The following UNC79 variants were observed in gnomAD, a reference collection of about 807,000 sequenced individuals.
UNC79 encodes unc-79 subunit of NALCN channel complex.
Under a neutral mutation model 283.1 loss-of-function variants are expected in UNC79, and 37 were observed. The observed-to-expected ratio is 0.13, with a 90% confidence interval of 0.10 to 0.17. UNC79 has a LOEUF of 0.17. UNC79 is among the 10% of genes least tolerant of loss of function. The probability of loss-of-function intolerance (pLI) is 1.00; values close to 1 mark genes in which losing one functional copy is unlikely to be tolerated. For missense variants in UNC79, 2,272 were observed against 3,211.1 expected (o/e 0.71, Z 7.07); for synonymous variants, 1,107 against 1,200.2 (o/e 0.92, Z 1.61).
chr14:93,335,759 G>A (rs936473429), intron 1 of UNC79, among the ~76,000 whole-genome samples: 3 of 152,214 alleles, frequency 2.0e-5, no homozygotes, highest in Non-Finnish European at 4.4e-5. Flanking sequence ...GTGAGAGAAA[G>A]GAAAACCATG....
intron 40 of UNC79, among the ~76,000 whole-genome samples, chr14:93,671,880 T>A (rs1566900046): frequency 6.6e-6 from 1 of 151,956 alleles, no homozygotes; most frequent in Non-Finnish European, 1.5e-5. Flanking sequence ...AGGACCTAAA[T>A]AGACATTTCT....
intron 1 of UNC79, among the ~76,000 whole-genome samples, chr14:93,375,049 A>G (rs981939897): frequency 9.9e-5 from 15 of 152,098 alleles, no homozygotes; most frequent in African/African-American, 3.4e-4. Context: ...TTCCCTCCAA[A>G]ACTCATGTTG....
chr14:93,585,602 G>C (rs2064164114), intron 20 of UNC79, among the ~76,000 whole-genome samples: 1 of 152,156 alleles, frequency 6.6e-6, no homozygotes, highest in African/African-American at 2.4e-5. Context: ...TCTGATCCTA[G>C]GGATTGCCAA....
intron 1 of UNC79, among the ~76,000 whole-genome samples, chr14:93,462,065 G>C (rs1464257752): frequency 2.0e-5 from 3 of 152,200 alleles, no homozygotes; most frequent in Admixed American, 6.5e-5. Flanking sequence ...CCAGCACTTT[G>C]GGAGGCCGAG....
At chr14:93,426,704 T>C (rs2055738085), upstream of UNC79, among the ~76,000 whole-genome samples, 1 of 152,102 alleles carries the variant, frequency 6.6e-6, no homozygotes, top group Non-Finnish European at 1.5e-5. Flanking sequence ...TTCTAAAATT[T>C]CCAATGGTTT....
chr14:93,636,080 A>G (rs1056619548), intron 31 of UNC79, among the ~76,000 whole-genome samples: 8 of 152,238 alleles, frequency 5.3e-5, no homozygotes, highest in Admixed American at 2.6e-4. Flanking sequence ...GATTCCGACT[A>G]CAATGACAAC....
chr14:93,471,853 C>G (rs761031371), intron 2 of UNC79, among the ~76,000 whole-genome samples: 4 of 151,860 alleles, frequency 2.6e-5, no homozygotes, highest in Admixed American at 6.6e-5. Flanking sequence ...GCTGTTGTTG[C>G]TATCGTTTGG....
chr14:93,494,481 T>C (rs1006493376), intron 5 of UNC79, among the ~76,000 whole-genome samples: 1 of 152,172 alleles, frequency 6.6e-6, no homozygotes, highest in Non-Finnish European at 1.5e-5. Flanking sequence ...GTGTTCACAG[T>C]ATCTTTGAGA....
chr14:93,510,929 T>C lies in UNC79; in HGVS notation c.899-13049T>C, dbSNP rs576897060. Among the ~76,000 whole-genome samples the C allele has an allele frequency of 4.6e-5, 7 of 152,346 alleles. No homozygotes were observed. In the East Asian group the frequency reaches 1.3e-3, roughly 29 times the overall value. On this transcript the variant is annotated intron_variant, in intron 7 of 48. Transcript: ENST00000555664. ...TTCCTGTATTAGTTTGTTCACACAC[T>C]GCTATAAAGAAATACCTGCAACTGG...
chr14:93,689,265 C>G (rs2074489880), intron 44 of UNC79: 1 of 163,548 alleles, frequency 6.1e-6, no homozygotes, highest in Admixed American at 6.3e-5. Context: ...TTTAGGGAGG[C>G]TAAAGAAGAG....
chr14:93,555,333 CACAG>C lies in UNC79; in HGVS notation c.1755+12643_1755+12646del, dbSNP rs1422019033. 1.4e-4 allele frequency among the ~76,000 whole-genome samples: 21 copies of C among 152,140 alleles called. No individual in the cohort carries two copies. In the East Asian group the frequency reaches 1.9e-3, roughly 14 times the overall value. ...CATACATACATGACACATATAAATA[CACAG>C]ACAGAGAAGCAGATCTGGTAGAGTT... On this transcript the variant is annotated intron_variant, in intron 14 of 48. Transcript: ENST00000555664.
chr14:93,540,543 T>G, intron 12 of UNC79, 117 bp from the exon 13 acceptor site: 1 of 1,160,584 alleles, frequency 8.6e-7, no homozygotes, highest in South Asian at 1.5e-5. Flanking sequence ...CAGTACTCAA[T>G]TTAAAGAAGA....
chr14:93,489,494 G>C (rs2058619619), intron 5 of UNC79, among the ~76,000 whole-genome samples: 2 of 152,304 alleles, frequency 1.3e-5, no homozygotes, highest in South Asian at 4.1e-4. Flanking sequence ...TACAATGGTT[G>C]GACAGGCATA....
At chr14:93,628,541 G>T (rs11844688) in intron 30 of UNC79, among the ~76,000 whole-genome samples, 112,967 of 152,098 alleles carry the variant, frequency 0.74, 42,731 homozygotes, top group African/African-American at 0.88. Flanking sequence ...TTATGCGTAT[G>T]AATTATTGTC....
At chr14:93,660,809 C>G (rs566246241) in intron 39 of UNC79, among the ~76,000 whole-genome samples, 1 of 151,716 alleles carries the variant, frequency 6.6e-6, no homozygotes. Context: ...AGGCTGGTCT[C>G]GAACTCCTGA....
At chr14:93,685,159 T>A (rs2074141296) in intron 42 of UNC79, among the ~76,000 whole-genome samples, 1 of 152,230 alleles carries the variant, frequency 6.6e-6, no homozygotes, top group Non-Finnish European at 1.5e-5. Flanking sequence ...TTGCTCTCAT[T>A]TTTTGAGATT....
chr14:93,696,742 T>A (rs891834597), intron 47 of UNC79, among the ~76,000 whole-genome samples: 9 of 152,338 alleles, frequency 5.9e-5, no homozygotes, highest in Middle Eastern at 3.4e-3. Context: ...TCTCTGTGGT[T>A]TGTCTTTGGA....
intron 5 of UNC79, among the ~76,000 whole-genome samples, chr14:93,489,378 A>G (rs1461740601): frequency 6.6e-6 from 1 of 152,210 alleles, no homozygotes; most frequent in Non-Finnish European, 1.5e-5. Flanking sequence ...GCATGAACTC[A>G]AAAGTCCAAA....
At position 93,612,924 on chromosome 14, in the gene UNC79, C is replaced by T. The variant is rs776961472; in HGVS notation, c.3882C>T (p.Ser1294=). ...AGTTCATGGCCAAGGATGAAAGCAG[C>T]GCTGAGTCAGACATCAGCAGTGCAA... is the stretch of plus-strand genomic sequence containing the variant. Residue 1294 remains serine (S), a synonymous_variant, in exon 27 of 49, where the codon AGC becomes AGT. Coordinates refer to ENST00000555664, the Ensembl canonical transcript of UNC79. The T allele has an allele frequency of 1.8e-5, 29 of 1,613,984 alleles. 1 individual carries two copies. Among genetic ancestry groups the T allele is most frequent in the South Asian group, 9.9e-5 (9 of 91,070 alleles).
Sources: allele counts gnomAD v4.1 joint callset (sites outside exome capture counted in the v4.1 genomes callset), GRCh38; gene constraint gnomAD v4.1.1; transcripts MANE v1.5; gene names NCBI Gene and HGNC (gene_info 2026-07-23, HGNC 2026-07-21).